The following OTOG variants were observed in gnomAD, a reference collection of about 807,000 sequenced individuals.
OTOG encodes the protein otogelin.
Under a neutral mutation model 313.8 loss-of-function variants are expected in OTOG, and 296 were observed. The observed-to-expected ratio is 0.94, with a 90% CI of 0.86 to 1.04. OTOG has a LOEUF of 1.04. OTOG is among the 50% of genes least tolerant of loss of function. OTOG has a pLI of 0.00. For synonymous variants in OTOG, 1,533 were observed against 1,554.9 expected, an observed-to-expected ratio of 0.99 and a Z score of 0.33; for missense variants, 3,948 against 3,840.1, an observed-to-expected ratio of 1.03 and a Z score of -0.74.
At chr11:17,574,260 C>T (rs1852467221) in intron 19 of OTOG, among the ~76,000 whole-genome samples, 1 of 152,156 alleles carries the variant, frequency 6.6e-6, no homozygotes, top group Non-Finnish European at 1.5e-5. Flanking sequence ...CTAGAGGGAG[C>T]ACAGTTGATA....
chr11:17,638,597 C>T (rs1278666216), intron 48 of OTOG, 48 bp downstream of exon 48: 5 of 1,529,884 alleles, frequency 3.3e-6, no homozygotes, highest in Non-Finnish European at 1.8e-6. Flanking sequence ...TCCAGTGGCC[C>T]TGCTGAGGAG....
intron 33 of OTOG, among the ~76,000 whole-genome samples, chr11:17,607,979 C>T (rs928255551): frequency 9.9e-5 from 15 of 152,108 alleles, no homozygotes; most frequent in East Asian, 7.7e-4. Flanking sequence ...GGGGTCCAGG[C>T]CTCTTCTTCG....
At chr11:17,579,802 G>A (rs113470590) in intron 23 of OTOG, among the ~76,000 whole-genome samples, 5 of 152,330 alleles carry the variant, frequency 3.3e-5, no homozygotes, top group African/African-American at 1.2e-4. Flanking sequence ...AAGAGTAGTA[G>A]CAAGGCCACA....
At chr11:17,606,259 AG>A in intron 33 of OTOG, 124 bp downstream of exon 33, 1 of 1,275,790 alleles carries the variant, frequency 7.8e-7, no homozygotes, top group Non-Finnish European at 1.0e-6. Flanking sequence ...CTCCTGGCAC[AG>A]GGGCCACATG....
At position 17,586,576 on chromosome 11, in the gene OTOG, T is replaced by C; in HGVS notation, c.2862T>C (p.His954=). 7.2e-7 allele frequency: 1 copy of C among 1,387,886 alleles called. No homozygotes were observed. Among genetic ancestry groups the C allele is most frequent in the Admixed American group, 3.2e-5 (1 of 31,104 alleles). The allele number at this position is 1,387,886 out of a possible 1,614,324, so 86.0% of individuals were successfully genotyped here. A position where few individuals can be genotyped will look rare whatever the true frequency, so the allele number is the denominator to read the frequency against. ...FPGDQVMSPC[H]TCVCQRGSFQ... ...GGGACCAGGTGATGTCTCCTTGCCA[T>C]ACCTGGTAAGTGAGGGTCCCAAGCA... The change falls in exon 24 of 56, where the codon CAT becomes CAC. Residue 954 remains histidine, a synonymous_variant. Transcript: ENST00000399397.
In OTOG at chr11:17,609,651, G is replaced by T; in HGVS notation, c.4355-4G>T. 6.8e-7 allele frequency: 1 copy of T among 1,478,552 alleles called. No homozygotes were observed. Among genetic ancestry groups the T allele is most frequent in the South Asian group, 1.4e-5 (1 of 73,426 alleles). 91.6% of individuals were successfully genotyped at this position (1,478,552 alleles called of 1,614,324 possible). A position where few individuals can be genotyped will look rare whatever the true frequency, so the allele number is the denominator to read the frequency against. Reference sequence around the variant, plus strand: ...CTTCTGAACCTCTTCTTTTGTCTCCGCAGGTGTGGAGCCAGCAGTTTGGGT... The same window carrying T: ...CTTCTGAACCTCTTCTTTTGTCTCCTCAGGTGTGGAGCCAGCAGTTTGGGT... On this transcript the variant is annotated splice_region_variant and splice_polypyrimidine_tract_variant and intron_variant, in intron 35 of 55. Coordinates refer to ENST00000399397, the MANE Select transcript of OTOG (RefSeq NM_001292063.2).
intron 42 of OTOG, among the ~76,000 whole-genome samples, 154 bp from the exon 43 acceptor site, chr11:17,633,526 G>A (rs936095001): frequency 1.3e-5 from 2 of 152,192 alleles, no homozygotes; most frequent in Admixed American, 6.5e-5. Context: ...TAAGGAAGGA[G>A]GTGATGTCAC....
chr11:17,590,628 C>T (rs1852908640), intron 24 of OTOG, among the ~76,000 whole-genome samples: 1 of 152,188 alleles, frequency 6.6e-6, no homozygotes, highest in African/African-American at 2.4e-5. Context: ...TCAAGTCTTC[C>T]AATGCCCACC....
At chr11:17,590,260 C>A (rs1308089193) in intron 24 of OTOG, among the ~76,000 whole-genome samples, 1 of 152,194 alleles carries the variant, frequency 6.6e-6, no homozygotes, top group Non-Finnish European at 1.5e-5. Context: ...AACAGCACAT[C>A]TGATCTTCCC....
chr11:17,645,027 C>T (rs548197315), intron 54 of OTOG, among the ~76,000 whole-genome samples: 21 of 152,324 alleles, frequency 1.4e-4, no homozygotes, highest in African/African-American at 5.1e-4. Context: ...GTTTCCATCC[C>T]TGTAACAGCT....
intron 4 of OTOG, 116 bp downstream of exon 4, chr11:17,552,191 G>C: frequency 9.7e-7 from 1 of 1,032,568 alleles, no homozygotes; most frequent in Non-Finnish European, 1.5e-6. Context: ...CCTTTTTCCT[G>C]CTTGGCATCT....
chr11:17,570,177 G>A, intron 16 of OTOG, 36 bp from the exon 17 acceptor site: 1 of 1,531,204 alleles, frequency 6.5e-7, no homozygotes, highest in South Asian at 1.2e-5. Context: ...TGTACTGGCT[G>A]CCCTCCCACT....
At chr11:17,580,368 A>G (rs1315945680) in intron 23 of OTOG, among the ~76,000 whole-genome samples, 2 of 152,244 alleles carry the variant, frequency 1.3e-5, no homozygotes, top group Admixed American at 1.3e-4. Context: ...TAAACACTCT[A>G]TGTGAGCAGA....
intron 20 of OTOG, among the ~76,000 whole-genome samples, chr11:17,575,816 G>T (rs949052328): frequency 2.6e-5 from 4 of 152,110 alleles, no homozygotes; most frequent in African/African-American, 4.8e-5. Flanking sequence ...CAACGAAAGG[G>T]GTCTGTGTGG....
intron 4 of OTOG, 95 bp from the exon 5 acceptor site, chr11:17,553,024 T>C: frequency 8.9e-7 from 1 of 1,122,104 alleles, no homozygotes; most frequent in East Asian, 2.6e-5. Context: ...CTGCCTGTTA[T>C]GGGGGTCTGG....
chr11:17,570,424 G>C (rs1345235986), intron 17 of OTOG, 34 bp downstream of exon 17: 2 of 1,546,518 alleles, frequency 1.3e-6, no homozygotes, highest in East Asian at 2.4e-5. Flanking sequence ...CGAAGAAGAG[G>C]GGAAATGGGC....
Position 17,611,050 on chromosome 11 carries a change from T to C in OTOG, c.5750T>C (p.Val1917Ala), listed in dbSNP as rs565134504. The C allele has an allele frequency of 1.5e-5, 23 of 1,550,454 alleles. No homozygotes were observed. In the East Asian group the frequency reaches 5.4e-4, roughly 36 times the overall value. ...TGKVAILSKQ[V>A]SLPTSMYGSA... is the part of the protein sequence containing the mutation. Reference sequence around the variant, plus strand: ...AAGGTGGCCATCCTATCCAAGCAAGTGTCTCTGCCCACTTCCATGTATGGT... The same window carrying C: ...AAGGTGGCCATCCTATCCAAGCAAGCGTCTCTGCCCACTTCCATGTATGGT... Residue 1917 changes from valine (V) to alanine (A), a missense_variant, in exon 36 of 56, where the codon GTG becomes GCG. By Grantham distance (64) the Val-to-Ala change is moderately conservative. Coordinates refer to ENST00000399397, the MANE Select transcript of OTOG (RefSeq NM_001292063.2).
chr11:17,557,802 A>T (rs189365249), intron 8 of OTOG, among the ~76,000 whole-genome samples: 84 of 152,264 alleles, frequency 5.5e-4, no homozygotes, highest in African/African-American at 2.0e-3. Flanking sequence ...TACATGCATC[A>T]TCTCAAGTAG....
Position 17,617,807 on chromosome 11 carries a change from T to C in OTOG, c.6528+4106T>C, listed in dbSNP as rs567395601. On this transcript the variant is annotated intron_variant, in intron 39 of 55. Coordinates refer to ENST00000399397, the MANE Select transcript of OTOG (RefSeq NM_001292063.2). ...TTTTCTATTTCATTGATTTCTGCTA[T>C]CTTTATTATTTTCTTTCTTCTGCTT... Among the ~76,000 whole-genome samples the C allele has an allele frequency of 1.5e-4, 23 of 152,240 alleles. No homozygotes were observed. In the South Asian group the frequency reaches 4.8e-3, roughly 32 times the overall value.
Sources: allele counts gnomAD v4.1 joint callset (sites outside exome capture counted in the v4.1 genomes callset), GRCh38; gene constraint gnomAD v4.1.1; transcripts MANE v1.5; gene names NCBI Gene and HGNC (gene_info 2026-07-23, HGNC 2026-07-21).